The following DOCK3 variants were observed in gnomAD, a reference collection of about 807,000 sequenced individuals.
DOCK3 encodes the protein dedicator of cytokinesis 3.
In DOCK3, 60 loss-of-function variants were observed where a neutral mutation model predicts 265.6. The ratio of observed to expected loss-of-function variants is 0.23; its 90% CI spans 0.18 to 0.28. The LOEUF is 0.28. DOCK3 is among the 10% of genes least tolerant of loss of function. The pLI is 1.00. For synonymous variants in DOCK3, 881 were observed against 938.0 expected (o/e 0.94, Z 1.11); for missense variants, 1,981 against 2,594.3 (o/e 0.76, Z 5.14).
At chr3:50,953,401 T>C (rs1319409979) in intron 5 of DOCK3, among the ~76,000 whole-genome samples, 1 of 152,122 alleles carries the variant, frequency 6.6e-6, no homozygotes, top group Non-Finnish European at 1.5e-5. Context: ...CCTTCCTGGC[T>C]TCCAAGAGAA....
rs1039768943 is a variant in DOCK3 at position 51,361,197 on chromosome 3, G to A, written c.5006+565G>A. On this transcript the variant is annotated intron_variant, in intron 47 of 52. Transcript: ENST00000266037. The surrounding 1 kb of genome is among the most constrained non-coding windows in gnomAD (Gnocchi z 4.2). The stretch of plus-strand genomic sequence containing the variant: ...CAACTGAGAATACTGAAAGCCTCTA[G>A]GCCAGGAAGGCCAAGTTGGAGGAGG... 6.6e-6 allele frequency among the ~76,000 whole-genome samples: 1 copy of A among 152,218 alleles called. No homozygotes were observed. Among genetic ancestry groups the A allele is most frequent in the Non-Finnish European group, 1.5e-5 (1 of 68,028 alleles).
At chr3:50,896,001 A>T (rs2048876900) in intron 4 of DOCK3, among the ~76,000 whole-genome samples, 1 of 152,146 alleles carries the variant, frequency 6.6e-6, no homozygotes, top group South Asian at 2.1e-4. Flanking sequence ...GTGTCTCTAT[A>T]GTAGAATGAT....
intron 5 of DOCK3, among the ~76,000 whole-genome samples, chr3:51,003,106 ATC>A (rs1246722561): frequency 3.9e-5 from 6 of 152,350 alleles, no homozygotes; most frequent in African/African-American, 1.4e-4. Flanking sequence ...GATAGCCAGA[ATC>A]TCTTTGTAGC....
intron 7 of DOCK3, among the ~76,000 whole-genome samples, chr3:51,080,318 T>A (rs1575997358): frequency 6.6e-6 from 1 of 152,378 alleles, no homozygotes; most frequent in South Asian, 2.1e-4. Context: ...ATGTGTTCCA[T>A]GCATTTCTTA....
At chr3:51,067,663 C>T (rs1357347299) in intron 6 of DOCK3, among the ~76,000 whole-genome samples, 1 of 149,908 alleles carries the variant, frequency 6.7e-6, no homozygotes, top group Non-Finnish European at 1.5e-5. Context: ...TTATTTTCTC[C>T]TTTCCTTCAG....
At chr3:51,114,368 G>A (rs6772197) in intron 9 of DOCK3, among the ~76,000 whole-genome samples, 115,374 of 152,130 alleles carry the variant, frequency 0.76, 44,750 homozygotes, top group Middle Eastern at 0.88. Context: ...ATAGGGTGAG[G>A]CAGGGACGCT....
intron 7 of DOCK3, among the ~76,000 whole-genome samples, chr3:51,076,372 G>A (rs769125369): frequency 1.1e-4 from 16 of 152,176 alleles, no homozygotes; most frequent in Non-Finnish European, 4.4e-5. Flanking sequence ...AGGCTGAAGT[G>A]ATAGGATCGC....
At chr3:51,068,075 G>A (rs1478420899) in intron 6 of DOCK3, among the ~76,000 whole-genome samples, 2 of 152,150 alleles carry the variant, frequency 1.3e-5, no homozygotes, top group African/African-American at 2.4e-5. Flanking sequence ...TTAAATATAT[G>A]ATTTTAAACT....
intron 4 of DOCK3, among the ~76,000 whole-genome samples, chr3:50,919,326 A>T (rs552120400): frequency 1.3e-5 from 2 of 152,258 alleles, no homozygotes; most frequent in Non-Finnish European, 2.9e-5. Flanking sequence ...ATAGCATTGA[A>T]TCTATAAATA....
chr3:50,818,417 C>T (rs1328074478), intron 2 of DOCK3, among the ~76,000 whole-genome samples: 1 of 152,202 alleles, frequency 6.6e-6, no homozygotes, highest in African/African-American at 2.4e-5. Flanking sequence ...GTTTTAAGTG[C>T]TTCTTGTTTG....
intron 2 of DOCK3, among the ~76,000 whole-genome samples, chr3:50,829,488 C>T (rs193211866): frequency 1.3e-5 from 2 of 152,146 alleles, no homozygotes; most frequent in East Asian, 3.9e-4. Context: ...AGATTTTTAT[C>T]CCTAAGGCTC....
intron 1 of DOCK3, among the ~76,000 whole-genome samples, chr3:50,740,478 A>T (rs1217424148): frequency 6.6e-6 from 1 of 152,162 alleles, no homozygotes; most frequent in Non-Finnish European, 1.5e-5. Context: ...TCATTTTTAC[A>T]TTCCACTAGT....
chr3:50,962,769 A>G (rs1273138004), intron 5 of DOCK3, among the ~76,000 whole-genome samples: 2 of 152,126 alleles, frequency 1.3e-5, no homozygotes, highest in Non-Finnish European at 2.9e-5. Context: ...TCTAGGTTCT[A>G]CCTAATTCTT....
intron 1 of DOCK3, among the ~76,000 whole-genome samples, chr3:50,733,672 A>G (rs2108147947): frequency 6.6e-6 from 1 of 152,224 alleles, no homozygotes; most frequent in East Asian, 1.9e-4. Flanking sequence ...TTTAAAATCC[A>G]TTTGGCCACT....
chr3:50,705,021 C>T, intron 1 of DOCK3, among the ~76,000 whole-genome samples: 1 of 120,122 alleles, frequency 8.3e-6, no homozygotes, highest in African/African-American at 3.1e-5. Flanking sequence ...CTACTTGCTA[C>T]TTGTTTTCTG....
chr3:51,087,709 A>T (rs2082478792), intron 7 of DOCK3, among the ~76,000 whole-genome samples: 1 of 152,198 alleles, frequency 6.6e-6, no homozygotes, highest in African/African-American at 2.4e-5. Context: ...TTTGTAGATG[A>T]TATAATCTTA....
intron 2 of DOCK3, among the ~76,000 whole-genome samples, chr3:50,827,897 T>C (rs1220384999): frequency 2.0e-5 from 3 of 152,136 alleles, no homozygotes; most frequent in Non-Finnish European, 4.4e-5. Context: ...TTGTTGGTTT[T>C]ACAGTGTTTT....
chr3:50,694,689 T>G (rs1047517547), intron 1 of DOCK3, among the ~76,000 whole-genome samples: 6 of 152,186 alleles, frequency 3.9e-5, no homozygotes, highest in African/African-American at 1.4e-4. Context: ...TGCATGCCTG[T>G]AATCCCAGCT....
At chr3:51,047,076 C>G (rs2080805216) in intron 5 of DOCK3, among the ~76,000 whole-genome samples, 1 of 152,022 alleles carries the variant, frequency 6.6e-6, no homozygotes, top group South Asian at 2.1e-4. Flanking sequence ...TAAATATCTA[C>G]ACTTTAAAAA....
Sources: gnomAD v4.1 joint callset for allele counts (sites outside exome capture counted in the v4.1 genomes callset) on GRCh38, gnomAD v4.1.1 for gene constraint, Gnocchi (gnomAD v3.1) non-coding constraint, MANE v1.5 for transcripts, NCBI Gene and HGNC (gene_info 2026-07-23, HGNC 2026-07-21) for gene names.